PDE1A: variants seen among roughly 807,000 people sequenced by gnomAD.
The protein encoded by PDE1A is phosphodiesterase 1A.
A neutral mutation model predicts 61.7 loss-of-function variants in PDE1A; 35 were observed. That is an observed-to-expected ratio of 0.57 (90% confidence interval 0.43 to 0.75). The LOEUF (loss-of-function observed/expected upper bound fraction) is 0.75. Ranked by LOEUF, PDE1A falls within the 30% of genes least tolerant of loss-of-function variation. The pLI is 0.00. For synonymous variants in PDE1A, 232 were observed against 213.2 expected, an observed-to-expected ratio of 1.09 and a Z score of -0.77; for missense variants, 597 against 630.6, an observed-to-expected ratio of 0.95 and a Z score of 0.57.
intron 1 of PDE1A, among the ~76,000 whole-genome samples, chr2:182,323,929 A>C (rs930258544): frequency 6.6e-6 from 1 of 152,114 alleles, no homozygotes; most frequent in Non-Finnish European, 1.5e-5. Flanking sequence ...AGGGCTGTGC[A>C]GCCTTTTCAG....
At position 182,377,419 on chromosome 2, in the gene PDE1A, T is replaced by C. The variant is rs562690167; in HGVS notation, c.53+49159A>G. On this transcript the variant is annotated intron_variant, in intron 1 of 13. Coordinates refer to ENST00000351439, the Ensembl canonical transcript of PDE1A. ...TCCTCAGAAGCAGATGTCAGAGCGA[T>C]GCTTCCTGTACAGCCTGCAGAACTA... Among the ~76,000 whole-genome samples, 183 of 152,342 alleles carry C rather than the reference T, an allele frequency of 1.2e-3. 1 individual carries two copies. Among genetic ancestry groups the C allele is most frequent in the African/African-American group, 4.2e-3 (176 of 41,572 alleles).
At chr2:182,386,985 A>G (rs1253898766) in intron 1 of PDE1A, among the ~76,000 whole-genome samples, 1 of 152,228 alleles carries the variant, frequency 6.6e-6, no homozygotes, top group Non-Finnish European at 1.5e-5. Context: ...AAAAGGGGGA[A>G]AGGTGGGGAA....
At chr2:182,704,218 A>C in the PDE1A span, among the ~76,000 whole-genome samples, 1 of 150,132 alleles carries the variant, frequency 6.7e-6, no homozygotes, top group Non-Finnish European at 1.5e-5. Flanking sequence ...CTGGAAAAAA[A>C]AAAAAAACAA....
intron 7 of PDE1A, among the ~76,000 whole-genome samples, chr2:182,211,840 G>A (rs1687627211): frequency 6.6e-6 from 1 of 152,128 alleles, no homozygotes; most frequent in Non-Finnish European, 1.5e-5. Flanking sequence ...CGAGTTTTGT[G>A]TATTAACCTT....
At chr2:182,360,383 T>G (rs1009496878) in intron 1 of PDE1A, among the ~76,000 whole-genome samples, 10 of 152,030 alleles carry the variant, frequency 6.6e-5, no homozygotes, top group African/African-American at 2.4e-4. Flanking sequence ...CTAACTCAGT[T>G]TAGGAGCTAA....
chr2:182,247,417 T>A (rs532129362), intron 2 of PDE1A, among the ~76,000 whole-genome samples: 32 of 152,338 alleles, frequency 2.1e-4, no homozygotes, highest in East Asian at 7.7e-4. Context: ...GTTATTCCAG[T>A]TTGGAGAGAA....
intron 2 of PDE1A, among the ~76,000 whole-genome samples, chr2:182,494,043 T>C (rs941238564): frequency 6.6e-6 from 1 of 152,246 alleles, no homozygotes; most frequent in African/African-American, 2.4e-5. Context: ...TTCCTTAATT[T>C]GGTGGCTTTG....
At chr2:182,531,495 CTAAAGA>C in the PDE1A span, among the ~76,000 whole-genome samples, 1 of 151,640 alleles carries the variant, frequency 6.6e-6, no homozygotes, top group Non-Finnish European at 1.5e-5. Context: ...AGGGCATAGC[CTAAAGA>C]TAAAGAGTTT....
At chr2:182,433,596 T>G (rs1423404887) in intron 2 of PDE1A, among the ~76,000 whole-genome samples, 1 of 151,984 alleles carries the variant, frequency 6.6e-6, no homozygotes, top group East Asian at 1.9e-4. Context: ...TCCATTTAGG[T>G]TTTCAAAACT....
At chr2:182,692,106 G>A in the PDE1A span, among the ~76,000 whole-genome samples, 1 of 152,178 alleles carries the variant, frequency 6.6e-6, no homozygotes, top group African/African-American at 2.4e-5. Flanking sequence ...CATTGTGGAA[G>A]ACAGTGTGGC....
intron 1 of PDE1A, among the ~76,000 whole-genome samples, chr2:182,364,466 TAAAAAAAAAAAAAAAAAAAAAA>T (rs201821721): frequency 2.8e-5 from 1 of 35,840 alleles, no homozygotes; most frequent in Non-Finnish European, 5.1e-5. Flanking sequence ...AACACTTTGG[TAAAAAAAAAAAAAAAAAAAAAA>T]AAAAAAAAAA....
chr2:182,561,145 G>A, the PDE1A span, among the ~76,000 whole-genome samples: 1 of 150,568 alleles, frequency 6.6e-6, no homozygotes, highest in East Asian at 2.0e-4. Context: ...CCTATGTCCT[G>A]AATGGTAATG....
At position 182,299,060 on chromosome 2, in the gene PDE1A, C is replaced by T. The variant is rs988597156; in HGVS notation, c.54-34646G>A. Among the ~76,000 whole-genome samples, 3 of 151,944 alleles carry T rather than the reference C, an allele frequency of 2.0e-5. No homozygotes were observed. In the East Asian group the frequency reaches 5.8e-4, roughly 29 times the overall value. ...CCCTTGTAGAAGAATCCTGCAACAC[C>T]ATAGCAAATGTGTAGAGTATCAATT... is the stretch of plus-strand genomic sequence containing the variant. On this transcript the variant is annotated intron_variant, in intron 1 of 13. Transcript: ENST00000351439.
chr2:182,186,653 A>T, intron 11 of PDE1A, 65 bp from the exon 12 acceptor site: 1 of 1,475,424 alleles, frequency 6.8e-7, no homozygotes, highest in East Asian at 2.3e-5. Context: ...TGAATTCTGA[A>T]ATCAGAAATA....
the PDE1A span, among the ~76,000 whole-genome samples, chr2:182,616,627 CT>C: frequency 3.9e-5 from 6 of 152,210 alleles, no homozygotes; most frequent in South Asian, 1.2e-3. Context: ...AATTATTTGT[CT>C]TAGTCAGACT....
At chr2:182,365,625 C>G (rs1699793081) in intron 1 of PDE1A, among the ~76,000 whole-genome samples, 1 of 151,882 alleles carries the variant, frequency 6.6e-6, no homozygotes, top group Non-Finnish European at 1.5e-5. Context: ...ATCCTGTGTT[C>G]TTCTCCTTAC....
chr2:182,590,121 G>A, the PDE1A span, among the ~76,000 whole-genome samples: 1 of 152,128 alleles, frequency 6.6e-6, no homozygotes, highest in Non-Finnish European at 1.5e-5. Context: ...TAGTGGAGAC[G>A]TAGCATACCC....
At chr2:182,534,179 C>A in the PDE1A span, among the ~76,000 whole-genome samples, 1 of 151,928 alleles carries the variant, frequency 6.6e-6, no homozygotes, top group Non-Finnish European at 1.5e-5. Flanking sequence ...TTTCCCATTC[C>A]CTTAACTTCT....
chr2:182,565,912 C>T, the PDE1A span, among the ~76,000 whole-genome samples: 1 of 152,028 alleles, frequency 6.6e-6, no homozygotes, highest in Non-Finnish European at 1.5e-5. Flanking sequence ...ACCATCACTA[C>T]CCTGATAAGC....
Sources: allele counts gnomAD v4.1 joint callset (sites outside exome capture counted in the v4.1 genomes callset), GRCh38; gene constraint gnomAD v4.1.1; transcripts MANE v1.5; gene names NCBI Gene and HGNC (gene_info 2026-07-23, HGNC 2026-07-21).